MITF: variants seen among roughly 807,000 people sequenced by gnomAD.
MITF encodes microphthalmia-associated transcription factor.
A neutral mutation model predicts 60.5 loss-of-function variants in MITF; 17 were observed. The observed-to-expected ratio is 0.28, with a 90% CI of 0.19 to 0.42. The LOEUF (loss-of-function observed/expected upper bound fraction) is 0.42. Ranked by LOEUF, MITF falls within the 10% of genes least tolerant of loss-of-function variation. MITF has a pLI of 1.00. For missense variants in MITF, 622 were observed against 683.5 expected (o/e 0.91, Z 1.00); for synonymous variants, 260 against 248.5 (o/e 1.05, Z -0.43).
At chr3:69,892,614 C>G (rs191781514) in intron 2 of MITF, among the ~76,000 whole-genome samples, 59 of 152,324 alleles carry the variant, frequency 3.9e-4, no homozygotes, top group Admixed American at 1.6e-3. Context: ...AAAAAAGCCA[C>G]TTTTCTTCAG....
chr3:69,739,826 C>G, intron 1 of MITF, 125 bp downstream of exon 1: 1 of 713,948 alleles, frequency 1.4e-6, no homozygotes, highest in Non-Finnish European at 2.4e-6. Flanking sequence ...TGCCCCGGAG[C>G]AGAGGGCGAA....
chr3:69,862,000 A>G (rs1302682651), intron 1 of MITF, among the ~76,000 whole-genome samples: 2 of 151,780 alleles, frequency 1.3e-5, no homozygotes, highest in South Asian at 4.2e-4. Flanking sequence ...TCCATTCTTG[A>G]GTATTTTCCT....
In MITF at chr3:69,748,924, G is replaced by C. The variant is rs1038742079; in HGVS notation, c.104+9223G>C. Among the ~76,000 whole-genome samples, 4 of 152,256 alleles carry C rather than the reference G, an allele frequency of 2.6e-5. No homozygotes were observed. In the South Asian group the frequency reaches 6.2e-4, roughly 24 times the overall value. On this transcript the variant is annotated intron_variant, in intron 1 of 9. Transcript: ENST00000352241. ...GGTTTCACTTAGCCTGGTGGCTGTG[G>C]TTATATATGAAATTACGAAATGACA...
rs748817904 is a variant in MITF at position 69,965,146 on chromosome 3, C to T, written c.1479C>T (p.Val493=). 1.8e-5 allele frequency: 29 copies of T among 1,613,958 alleles called. No individual in the cohort carries two copies. The highest frequency in any genetic ancestry group is 2.2e-5 in the East Asian group (1 of 44,880). The change falls in exon 10 of 10, where the codon GTC becomes GTT. Residue 493 remains valine (V), a synonymous_variant. Coordinates refer to ENST00000352241, the MANE Select transcript of MITF (RefSeq NM_001354604.2). ...TGATGGACGACACCCTTTCTCCCGT[C>T]GGTGTCACTGATCCACTCCTTTCCT... is the stretch of plus-strand genomic sequence containing the variant. The part of the protein sequence containing the change: ...DILMDDTLSP[V]GVTDPLLSSV...
At chr3:69,846,588 G>A (rs1342305517) in intron 1 of MITF, among the ~76,000 whole-genome samples, 5 of 152,138 alleles carry the variant, frequency 3.3e-5, no homozygotes, top group African/African-American at 1.2e-4. Context: ...GCCAAGGCAG[G>A]TAGATCACCT....
intron 7 of MITF, among the ~76,000 whole-genome samples, chr3:69,954,125 A>G (rs913338730): frequency 1.3e-5 from 2 of 152,212 alleles, no homozygotes; most frequent in African/African-American, 4.8e-5. Context: ...CATGGAACTA[A>G]AAATAAAATG....
intron 1 of MITF, among the ~76,000 whole-genome samples, chr3:69,799,755 C>T (rs1307692467): frequency 6.6e-6 from 1 of 152,024 alleles, no homozygotes; most frequent in African/African-American, 2.4e-5. Context: ...AACTGTTTCT[C>T]ATTGTTTAAA....
chr3:69,915,211 A>G (rs193165175), intron 2 of MITF, among the ~76,000 whole-genome samples: 12 of 152,320 alleles, frequency 7.9e-5, no homozygotes, highest in Non-Finnish European at 1.5e-4. Flanking sequence ...TCCACATATT[A>G]CATTTGATTG....
intron 6 of MITF, among the ~76,000 whole-genome samples, chr3:69,949,981 T>A (rs74907066): frequency 0.014 from 2,124 of 152,106 alleles, 22 homozygotes; most frequent in Middle Eastern, 0.051. Context: ...CTTAAAAAAA[T>A]TTTTTTTAGA....
At chr3:69,809,603 A>G (rs961138027) in intron 1 of MITF, among the ~76,000 whole-genome samples, 20 of 151,920 alleles carry the variant, frequency 1.3e-4, no homozygotes, top group African/African-American at 4.6e-4. Flanking sequence ...ATGAATGTGT[A>G]TAAACATCAA....
intron 1 of MITF, among the ~76,000 whole-genome samples, chr3:69,773,959 T>G (rs2062433632): frequency 6.6e-6 from 1 of 152,172 alleles, no homozygotes; most frequent in Non-Finnish European, 1.5e-5. Flanking sequence ...GAGGAGAGAT[T>G]CCTGGATAAG....
At chr3:69,859,683 G>C (rs957239970) in intron 1 of MITF, among the ~76,000 whole-genome samples, 2 of 152,032 alleles carry the variant, frequency 1.3e-5, no homozygotes, top group African/African-American at 4.8e-5. Flanking sequence ...TGTAGATGAA[G>C]ATGATGGTGA....
intron 1 of MITF, among the ~76,000 whole-genome samples, chr3:69,820,919 G>A (rs1487665533): frequency 6.6e-6 from 1 of 152,222 alleles, no homozygotes; most frequent in Non-Finnish European, 1.5e-5. Flanking sequence ...ACTCGTGTGT[G>A]TGTGTGTGTG....
At chr3:69,904,726 G>T (rs2065061778) in intron 2 of MITF, among the ~76,000 whole-genome samples, 1 of 152,064 alleles carries the variant, frequency 6.6e-6, no homozygotes, top group South Asian at 2.1e-4. Context: ...CAGGCCCCTG[G>T]CTCTTAAGAC....
At chr3:69,948,465 C>A (rs1443241908) in intron 5 of MITF, among the ~76,000 whole-genome samples, 7 of 150,854 alleles carry the variant, frequency 4.6e-5, no homozygotes, top group African/African-American at 1.5e-4. Flanking sequence ...AGTCTGTGGG[C>A]TCCCTCTTGT....
intron 7 of MITF, among the ~76,000 whole-genome samples, chr3:69,956,005 C>A (rs982587826): frequency 6.6e-6 from 1 of 152,140 alleles, no homozygotes; most frequent in Non-Finnish European, 1.5e-5. Flanking sequence ...AAGTAAATAT[C>A]TGCATAATAT....
intron 1 of MITF, among the ~76,000 whole-genome samples, chr3:69,868,200 C>G (rs1231083716): frequency 6.6e-6 from 1 of 152,166 alleles, no homozygotes; most frequent in Non-Finnish European, 1.5e-5. Context: ...GGGAACTATG[C>G]TAAGTATTGT....
chr3:69,965,302 A>T lies in MITF; in HGVS notation c.*54A>T. On this transcript the variant is annotated 3_prime_UTR_variant, in exon 10 of 10. Transcript: ENST00000352241. Reference sequence around the variant, plus strand: ...AACTGCTTCCTTTCTTGATTCGTAGATTTAATAACTTACCTGAAGGGGTTT... The same window carrying T: ...AACTGCTTCCTTTCTTGATTCGTAGTTTTAATAACTTACCTGAAGGGGTTT... 1 of 1,590,238 alleles carries T rather than the reference A, an allele frequency of 6.3e-7. No homozygotes were observed. Among genetic ancestry groups the T allele is most frequent in the Non-Finnish European group, 8.6e-7 (1 of 1,162,198 alleles).
chr3:69,833,651 T>C (rs569028381), intron 1 of MITF, among the ~76,000 whole-genome samples: 4 of 152,176 alleles, frequency 2.6e-5, no homozygotes, highest in Non-Finnish European at 5.9e-5. Context: ...TTACACTGTA[T>C]GTGGTTGTTT....
Sources: gnomAD v4.1 joint callset for allele counts (sites outside exome capture counted in the v4.1 genomes callset) on GRCh38, gnomAD v4.1.1 for gene constraint, MANE v1.5 for transcripts, NCBI Gene and HGNC (gene_info 2026-07-23, HGNC 2026-07-21) for gene names.